The following DBT variants were observed in gnomAD, a reference collection of about 807,000 sequenced individuals.
DBT encodes the protein lipoamide acyltransferase component of branched-chain alpha-keto acid dehydrogenase complex, mitochondrial.
DBT carries 40 observed loss-of-function variants against 51.3 expected under a neutral mutation model. The observed-to-expected ratio is 0.78, with a 90% confidence interval of 0.61 to 1.02. The LOEUF is 1.02. Ranked by LOEUF, DBT falls within the 50% of genes least tolerant of loss-of-function variation. The pLI is 0.00. For synonymous variants in DBT, 181 were observed against 190.4 expected (o/e 0.95, Z 0.41); for missense variants, 510 against 580.2 (o/e 0.88, Z 1.24).
Position 100,216,130 on chromosome 1 carries a change from A to G in DBT, c.625T>C (p.Leu209=), listed in dbSNP as rs765311127. 1.9e-6 allele frequency: 3 copies of G among 1,613,994 alleles called. No homozygotes were observed. The highest frequency in any genetic ancestry group is 1.7e-6 in the Non-Finnish European group (2 of 1,179,926). ...AATATAGCTCCTGTCTGCTTTTCCA[A>G]ATAGTTGAGGATATCTTCTTTAAGT... is the stretch of plus-strand genomic sequence containing the variant. ...RILKEDILNY[L]EKQTGAILPP... The change falls in exon 6 of 11, where the codon TTG becomes CTG. Residue 209 remains leucine (L), a synonymous_variant. Coordinates refer to ENST00000370132, the MANE Select transcript of DBT (RefSeq NM_001918.5).
At chr1:100,237,995 G>A (rs573130189) in intron 2 of DBT, among the ~76,000 whole-genome samples, 1 of 152,248 alleles carries the variant, frequency 6.6e-6, no homozygotes, top group Admixed American at 6.5e-5. Context: ...TGAAAAGAAG[G>A]CAGATTTAAG....
intron 4 of DBT, among the ~76,000 whole-genome samples, chr1:100,219,502 G>C (rs1022629543): frequency 6.6e-6 from 1 of 152,164 alleles, no homozygotes; most frequent in African/African-American, 2.4e-5. Context: ...CACTCTAGCA[G>C]GCCAAGGTGG....
rs996775059 is a variant in DBT at position 100,191,258 on chromosome 1, A to C, written c.*4997T>G. ...CAGTTGAACTGTCAGCATAACATGA[A>C]GTTTGAGAGTAGAATTATTTCTCAA... is the stretch of plus-strand genomic sequence containing the variant. On this transcript the variant is annotated 3_prime_UTR_variant, in exon 11 of 11. Transcript: ENST00000370132. 5 of 152,230 alleles carry C rather than the reference A, an allele frequency of 3.3e-5. No individual in the cohort carries two copies. Among genetic ancestry groups the C allele is most frequent in the Admixed American group, 1.3e-4 (2 of 15,270 alleles). The allele number at this position is 152,230 out of a possible 1,614,324, so 9.4% of individuals were successfully genotyped here.
intron 8 of DBT, among the ~76,000 whole-genome samples, chr1:100,209,265 AT>A (rs949648319): frequency 3.4e-5 from 5 of 148,270 alleles, no homozygotes; most frequent in South Asian, 2.1e-4. Context: ...TGCCTGGCTA[AT>A]TTTTTTTTTC....
rs937884817 is a variant in DBT at position 100,213,405 on chromosome 1, C to T, written c.939+1412G>A. On this transcript the variant is annotated intron_variant, in intron 7 of 10. Transcript: ENST00000370132. ...TACGGCGCCATCCCCGCCGCGCCCC[C>T]GCAGCCGCCCTACTCCTACCTCGTC... 2.0e-5 allele frequency: 32 copies of T among 1,573,082 alleles called. No individual in the cohort carries two copies. The African/African-American group carries it at 2.9e-4, about 14-fold the overall frequency.
chr1:100,218,653 T>C lies in DBT; in HGVS notation c.528A>G (p.Ala176=), dbSNP rs753084031. ...IKGRKTLATP[A]VRRLAMENNI... The stretch of plus-strand genomic sequence containing the variant: ...TGTTTTCCATTGCCAGACGGCGAAC[T>C]GCAGGAGTTGCCAGTGTTTTTCGGC... The change falls in exon 5 of 11, where the codon GCA becomes GCG. Residue 176 remains alanine, a synonymous_variant. Coordinates refer to ENST00000370132, the MANE Select transcript of DBT (RefSeq NM_001918.5). The C allele has an allele frequency of 2.5e-6, 4 of 1,614,118 alleles. No individual in the cohort carries two copies. Among genetic ancestry groups the C allele is most frequent in the South Asian group, 1.1e-5 (1 of 91,084 alleles).
At position 100,230,720 on chromosome 1, in the gene DBT, A is replaced by C; in HGVS notation, c.433+13T>G. The C allele has an allele frequency of 5.7e-6, 9 of 1,571,822 alleles. No individual in the cohort carries two copies. The highest frequency in any genetic ancestry group is 7.9e-6 in the Non-Finnish European group (9 of 1,146,082). On this transcript the variant is annotated intron_variant, in intron 4 of 10. Coordinates refer to ENST00000370132, the MANE Select transcript of DBT (RefSeq NM_001918.5). ...AATCAATTTGGTAAAATAGATTAAC[A>C]GACTTACAATACCTTTTAAAGCTTC...
At chr1:100,220,000 C>T (rs937704363) in intron 4 of DBT, among the ~76,000 whole-genome samples, 1 of 151,820 alleles carries the variant, frequency 6.6e-6, no homozygotes, top group East Asian at 1.9e-4. Flanking sequence ...TTAAAATTAG[C>T]CAGGTGTGGT....
intron 10 of DBT, among the ~76,000 whole-genome samples, chr1:100,203,823 T>C (rs1661593640): frequency 6.6e-6 from 1 of 151,990 alleles, no homozygotes; most frequent in African/African-American, 2.4e-5. Flanking sequence ...ACATAATCCA[T>C]CACATGAACA....
chr1:100,215,414 A>AT (rs1662418053), intron 6 of DBT, among the ~76,000 whole-genome samples: 1 of 152,246 alleles, frequency 6.6e-6, no homozygotes, highest in African/African-American at 2.4e-5. Context: ...AAACAGAGCA[A>AT]TTATCAATAT....
At chr1:100,234,389 A>G (rs1052698931) in intron 3 of DBT, among the ~76,000 whole-genome samples, 1 of 152,048 alleles carries the variant, frequency 6.6e-6, no homozygotes, top group Non-Finnish European at 1.5e-5. Flanking sequence ...TAATCCCAAC[A>G]CTTCGGAAGG....
chr1:100,225,980 C>T (rs1031629921), intron 4 of DBT, among the ~76,000 whole-genome samples: 1 of 152,084 alleles, frequency 6.6e-6, no homozygotes, highest in African/African-American at 2.4e-5. Flanking sequence ...TACAACAGAG[C>T]AAGACCCCAT....
chr1:100,203,553 C>T (rs1661575721), intron 10 of DBT, among the ~76,000 whole-genome samples: 1 of 152,156 alleles, frequency 6.6e-6, no homozygotes, highest in Non-Finnish European at 1.5e-5. Flanking sequence ...CCTTCTGAAA[C>T]TATTCCAAAC....
At chr1:100,214,405 T>A (rs1263794099) in intron 7 of DBT, among the ~76,000 whole-genome samples, 1 of 152,188 alleles carries the variant, frequency 6.6e-6, no homozygotes, top group Non-Finnish European at 1.5e-5. Flanking sequence ...AAAAGTAATA[T>A]TTTTATTCAA....
chr1:100,227,281 G>A (rs1663274637), intron 4 of DBT, among the ~76,000 whole-genome samples: 1 of 152,146 alleles, frequency 6.6e-6, no homozygotes, highest in Non-Finnish European at 1.5e-5. Context: ...TGAGAATGCT[G>A]GAAAAATTAC....
rs7541105 is a variant in DBT, at chr1:100,207,476, A to G, written c.1018-840T>C. On this transcript the variant is annotated intron_variant, in intron 8 of 10. Coordinates refer to ENST00000370132, the MANE Select transcript of DBT (RefSeq NM_001918.5). ...TAGTTGTTGAAACAGTTCTCATTTT[A>G]TAATATTTAATCATATCAGAGCCCA... Among the ~76,000 whole-genome samples, 118,207 of 152,010 alleles carry G rather than the reference A, an allele frequency of 0.78. 47,970 individuals carry two copies. Among genetic ancestry groups the G allele is most frequent in the East Asian group, 0.95 (4,927 of 5,178 alleles).
rs532195390 is a variant in DBT, at chr1:100,219,988, T to G, written c.434-1241A>C. ...AGGGAGACCCTCTCTCTATAAAAAA[T>G]TTTAAAATTAGCCAGGTGTGGTGGT... On this transcript the variant is annotated intron_variant, in intron 4 of 10. Transcript: ENST00000370132. Among the ~76,000 whole-genome samples the G allele has an allele frequency of 2.6e-5, 4 of 151,846 alleles. No homozygotes were observed. In the South Asian group the frequency reaches 8.3e-4, roughly 32 times the overall value.
At chr1:100,225,972 C>G (rs1461840842) in intron 4 of DBT, among the ~76,000 whole-genome samples, 1 of 151,922 alleles carries the variant, frequency 6.6e-6, no homozygotes, top group Admixed American at 6.6e-5. Flanking sequence ...CTAGCTTGTA[C>G]AACAGAGCAA....
At chr1:100,249,309 C>A (rs1330015942) in intron 1 of DBT, 6 of 243,448 alleles carry the variant, frequency 2.5e-5, no homozygotes, top group Non-Finnish European at 5.0e-5. Context: ...CTGCTCAGTT[C>A]TTCGGAAGCA....
Sources: allele counts gnomAD v4.1 joint callset (sites outside exome capture counted in the v4.1 genomes callset), GRCh38; gene constraint gnomAD v4.1.1; transcripts MANE v1.5; gene names NCBI Gene and HGNC (gene_info 2026-07-23, HGNC 2026-07-21).